Variants in PHC3 observed in about 807,000 individuals in gnomAD.
PHC3 encodes polyhomeotic-like protein 3.
In PHC3, 13 loss-of-function variants were observed where a neutral mutation model predicts 107.4. That is an observed-to-expected ratio of 0.12 (90% confidence interval 0.08 to 0.19). The LOEUF (loss-of-function observed/expected upper bound fraction) is 0.19. PHC3 is among the 10% of genes least tolerant of loss of function. The probability of loss-of-function intolerance (pLI) is 1.00; values close to 1 mark genes in which losing one functional copy is unlikely to be tolerated. For missense variants in PHC3, 992 were observed against 1,210.9 expected (o/e 0.82, Z 2.68); for synonymous variants, 456 against 427.4 (o/e 1.07, Z -0.83).
intron 2 of PHC3, among the ~76,000 whole-genome samples, chr3:170,175,533 G>C (rs546085869): frequency 6.6e-6 from 1 of 152,096 alleles, no homozygotes; most frequent in East Asian, 1.9e-4. Context: ...CTACTCAGGA[G>C]GCTGAAGCAG....
chr3:170,168,117 G>A (rs950147421), intron 4 of PHC3, among the ~76,000 whole-genome samples: 7 of 151,186 alleles, frequency 4.6e-5, no homozygotes, highest in Non-Finnish European at 8.9e-5. Context: ...AGTTATGATC[G>A]TGCCACTGCA....
intron 8 of PHC3, among the ~76,000 whole-genome samples, chr3:170,126,748 C>T (rs1032918012): frequency 1.3e-5 from 2 of 151,506 alleles, no homozygotes; most frequent in Admixed American, 1.3e-4. Flanking sequence ...TCTATGTTGG[C>T]CAGGCTGGTC....
intron 4 of PHC3, among the ~76,000 whole-genome samples, chr3:170,168,753 CAAAAAAAAAAA>C (rs59152470): frequency 1.3e-5 from 1 of 77,082 alleles, no homozygotes; most frequent in Non-Finnish European, 2.5e-5. Context: ...GACTCCGTCT[CAAAAAAAAAAA>C]AAAAAAAAAA....
chr3:170,126,528 A>ATATATATATATATATTTT (rs370421296), intron 8 of PHC3, among the ~76,000 whole-genome samples: 1 of 90,638 alleles, frequency 1.1e-5, no homozygotes, highest in African/African-American at 4.5e-5. Context: ...ATATATATAT[A>ATATATATATATATATTTT]TTTTTTTTTT....
At chr3:170,104,700 T>A (rs530843665) in intron 12 of PHC3, among the ~76,000 whole-genome samples, 12 of 152,290 alleles carry the variant, frequency 7.9e-5, no homozygotes, top group African/African-American at 2.9e-4. Context: ...TATAAAGATA[T>A]CAAGAGGTGG....
At chr3:170,126,528 A>ATATATTTTTTTTTTT (rs370421296) in intron 8 of PHC3, among the ~76,000 whole-genome samples, 2 of 90,638 alleles carry the variant, frequency 2.2e-5, no homozygotes, top group African/African-American at 4.5e-5. Flanking sequence ...ATATATATAT[A>ATATATTTTTTTTTTT]TTTTTTTTTT....
Position 170,128,735 on chromosome 3 carries a change from A to G in PHC3, c.1737T>C (p.Thr579=), listed in dbSNP as rs1215630649. 6.2e-7 allele frequency: 1 copy of G among 1,613,948 alleles called. No individual in the cohort carries two copies. The highest frequency in any genetic ancestry group is 1.3e-5 in the African/African-American group (1 of 74,946). ...LPFQTLPPPQ[T]VAVNLQVQPP... Reference sequence around the variant, plus strand: ...GTTGCACTTGTAGGTTTACCGCAACAGTCTGTGGAGGAGGAAGAGTCTGAA... The same window carrying G: ...GTTGCACTTGTAGGTTTACCGCAACGGTCTGTGGAGGAGGAAGAGTCTGAA... The change falls in exon 8 of 15, where the codon ACT becomes ACC. Residue 579 remains threonine, a synonymous_variant. Coordinates refer to ENST00000495893, the MANE Select transcript of PHC3 (RefSeq NM_024947.4).
chr3:170,102,786 C>A lies in PHC3; in HGVS notation c.2601+16G>T. The A allele has an allele frequency of 6.2e-7, 1 of 1,613,558 alleles. No homozygotes were observed. The highest frequency in any genetic ancestry group is 8.5e-7 in the Non-Finnish European group (1 of 1,179,576). On this transcript the variant is annotated intron_variant, in intron 13 of 14. Coordinates refer to ENST00000495893, the MANE Select transcript of PHC3 (RefSeq NM_024947.4). ...CTGAAAAGGGTATTTTACATTGAAG[C>A]AAGGTTTATACAGACCTGCCTAAGG...
chr3:170,107,263 A>G (rs535808713), intron 11 of PHC3, among the ~76,000 whole-genome samples: 6 of 152,366 alleles, frequency 3.9e-5, no homozygotes, highest in East Asian at 1.9e-4. Flanking sequence ...ATGAAGATGA[A>G]TAACATAGGC....
chr3:170,144,218 G>A (rs1724588977), intron 6 of PHC3, among the ~76,000 whole-genome samples: 1 of 151,392 alleles, frequency 6.6e-6, no homozygotes, highest in African/African-American at 2.4e-5. Context: ...GTGCGTGCCT[G>A]TAATCCCAGC....
At chr3:170,136,965 G>A (rs1446468696) in intron 6 of PHC3, among the ~76,000 whole-genome samples, 1 of 151,650 alleles carries the variant, frequency 6.6e-6, no homozygotes, top group African/African-American at 2.4e-5. Flanking sequence ...GGGAGGAGAA[G>A]GGAAGGATCA....
chr3:170,102,876 T>A lies in PHC3; in HGVS notation c.2527A>T (p.Asn843Tyr). Residue 843 changes from asparagine to tyrosine, a missense_variant, in exon 13 of 15, where the codon AAT (asparagine) becomes TAT (tyrosine). Asn to Tyr is a moderately radical substitution (Grantham distance 143). Coordinates refer to ENST00000495893, the MANE Select transcript of PHC3 (RefSeq NM_024947.4). ...ALSRWNRKPD[N>Y]QSLGHRGRRP... ...CGGCCACGATGCCCAAGACTTTGATTATCAGGCTTACGATTCCAACGACTA... is the reference window on the plus strand; with the variant it reads ...CGGCCACGATGCCCAAGACTTTGATAATCAGGCTTACGATTCCAACGACTA... 3 of 1,613,770 alleles carry A rather than the reference T, an allele frequency of 1.9e-6. No individual in the cohort carries two copies. Among genetic ancestry groups the A allele is most frequent in the Non-Finnish European group, 2.5e-6 (3 of 1,179,760 alleles).
At chr3:170,149,946 T>TA (rs1725633056) in intron 4 of PHC3, 1 of 152,226 alleles carries the variant, frequency 6.6e-6, no homozygotes, top group Admixed American at 6.5e-5. Context: ...AGCTTTCCAT[T>TA]AGTTTTAATA....
intron 12 of PHC3, among the ~76,000 whole-genome samples, chr3:170,105,023 C>T (rs1293091288): frequency 6.6e-6 from 1 of 152,214 alleles, no homozygotes; most frequent in Non-Finnish European, 1.5e-5. Flanking sequence ...TCTACCCTCT[C>T]TCATCCACAT....
rs1714683132 is a variant in PHC3 at position 170,096,719 on chromosome 3, A to G, written c.*511T>C. 1 of 152,436 alleles carries G rather than the reference A, an allele frequency of 6.6e-6. No homozygotes were observed. Among genetic ancestry groups the G allele is most frequent in the Non-Finnish European group, 1.5e-5 (1 of 68,086 alleles). The allele number at this position is 152,436 out of a possible 1,614,324, so 9.4% of individuals were successfully genotyped here. ...ACAATTCCTTTTTTATAGATAAAGC[A>G]TATGTCTAAAAGACATGTTTTTTAA... is the stretch of plus-strand genomic sequence containing the variant. On this transcript the variant is annotated 3_prime_UTR_variant, in exon 15 of 15. Transcript: ENST00000495893.
chr3:170,155,461 C>T (rs549424429), intron 4 of PHC3, among the ~76,000 whole-genome samples: 2 of 152,288 alleles, frequency 1.3e-5, no homozygotes, highest in East Asian at 3.9e-4. Flanking sequence ...TGGCTCATGC[C>T]AGTAATCCCA....
chr3:170,136,330 T>C (rs762890696), intron 7 of PHC3, 89 bp downstream of exon 7: 9 of 1,465,618 alleles, frequency 6.1e-6, no homozygotes, highest in Non-Finnish European at 8.5e-6. Context: ...AAGGTGTCAC[T>C]CCTGTTCAAG....
chr3:170,159,516 C>A (rs1386733012), intron 4 of PHC3, among the ~76,000 whole-genome samples: 4 of 152,096 alleles, frequency 2.6e-5, no homozygotes, highest in South Asian at 2.1e-4. Flanking sequence ...CCAGAAAGGT[C>A]AACATTCAAC....
rs1314439854 is a variant in PHC3 at position 170,096,070 on chromosome 3, TTA to T, written c.*1158_*1159del. On this transcript the variant is annotated 3_prime_UTR_variant, in exon 15 of 15. Coordinates refer to ENST00000495893, the MANE Select transcript of PHC3 (RefSeq NM_024947.4). ...GCACTAGTTCATAGGTATAATCATA[TTA>T]TGTCTTCGTCAGTGCAGAGGAGCAC... is the stretch of plus-strand genomic sequence containing the variant. 6.6e-6 allele frequency: 1 copy of T among 152,198 alleles called. No homozygotes were observed. Among genetic ancestry groups the T allele is most frequent in the Non-Finnish European group, 1.5e-5 (1 of 68,030 alleles). The allele number at this position is 152,198 out of a possible 1,614,324, so 9.4% of individuals were successfully genotyped here.
Sources: allele counts gnomAD v4.1 joint callset (sites outside exome capture counted in the v4.1 genomes callset), GRCh38; gene constraint gnomAD v4.1.1; transcripts MANE v1.5; gene names NCBI Gene and HGNC (gene_info 2026-07-23, HGNC 2026-07-21).